Variants in SEL1L3 observed in about 807,000 individuals in gnomAD.
SEL1L3 encodes protein sel-1 homolog 3.
SEL1L3 carries 76 observed loss-of-function variants against 142.8 expected under a neutral mutation model. The ratio of observed to expected loss-of-function variants is 0.53; its 90% CI spans 0.44 to 0.64. The LOEUF (loss-of-function observed/expected upper bound fraction) is 0.64. Ranked by LOEUF, SEL1L3 falls within the 30% of genes least tolerant of loss-of-function variation. SEL1L3 has a pLI of 0.00. For synonymous variants in SEL1L3, 504 were observed against 519.6 expected, an observed-to-expected ratio of 0.97 and a Z score of 0.41; for missense variants, 1,262 against 1,381.7, an observed-to-expected ratio of 0.91 and a Z score of 1.37.
intron 2 of SEL1L3, among the ~76,000 whole-genome samples, chr4:25,846,912 C>CAAAAA (rs71184268): frequency 5.6e-5 from 4 of 71,812 alleles, no homozygotes; most frequent in African/African-American, 1.7e-4. Flanking sequence ...GACTCCATCT[C>CAAAAA]AAAAAAAAAA....
chr4:25,843,903 T>C (rs1300520000), intron 2 of SEL1L3, among the ~76,000 whole-genome samples: 1 of 152,264 alleles, frequency 6.6e-6, no homozygotes, highest in Non-Finnish European at 1.5e-5. Context: ...TCGGGAGCCT[T>C]GGCAAAGCCA....
At chr4:25,820,431 T>C (rs1231672935) in intron 7 of SEL1L3, among the ~76,000 whole-genome samples, 1 of 152,228 alleles carries the variant, frequency 6.6e-6, no homozygotes, top group Non-Finnish European at 1.5e-5. Context: ...CGTTCCTGCC[T>C]CAGCACTCCC....
chr4:25,770,231 A>G (rs996672756), intron 17 of SEL1L3: 19 of 152,212 alleles, frequency 1.2e-4, no homozygotes, highest in African/African-American at 3.9e-4. Context: ...ATTCACAATG[A>G]TAAGCTTTAT....
At chr4:25,723,823 C>A in the SEL1L3 span, among the ~76,000 whole-genome samples, 1 of 152,088 alleles carries the variant, frequency 6.6e-6, no homozygotes, top group Non-Finnish European at 1.5e-5. Flanking sequence ...GGAACTGCAG[C>A]GGAGATTCAC....
the SEL1L3 span, among the ~76,000 whole-genome samples, chr4:25,724,630 G>C: frequency 6.7e-6 from 1 of 149,764 alleles, no homozygotes; most frequent in African/African-American, 2.5e-5. Context: ...TCAGCCACTC[G>C]GGAGGCTGAG....
the SEL1L3 span, chr4:25,719,542 T>C: frequency 6.7e-6 from 1 of 148,248 alleles, no homozygotes; most frequent in South Asian, 2.2e-4. Flanking sequence ...AGTCAGGCTG[T>C]TAAGATTAGA....
the SEL1L3 span, among the ~76,000 whole-genome samples, chr4:25,727,953 C>T: frequency 6.6e-5 from 10 of 152,122 alleles, no homozygotes; most frequent in Non-Finnish European, 1.2e-4. Context: ...CCTGGCTGAG[C>T]GGCTTGGCCA....
rs547656407 is a variant in SEL1L3 at position 25,761,421 on chromosome 4, G to A, written c.2956-2353C>T. Among the ~76,000 whole-genome samples, 607 of 152,184 alleles carry A rather than the reference G, an allele frequency of 4.0e-3. 2 individuals are homozygous for A. Among genetic ancestry groups the A allele is most frequent in the African/African-American group, 0.014 (584 of 41,520 alleles). On this transcript the variant is annotated intron_variant, in intron 20 of 23. Transcript: ENST00000399878. ...TCCGCCCACCTTGGCCTCCCAAAGT[G>A]CTGGCACTACAGGGTTGAGCCACCG...
Position 25,802,356 on chromosome 4 carries a change from T to C in SEL1L3, c.1883A>G (p.Glu628Gly). 1 of 1,613,850 alleles carries C rather than the reference T, an allele frequency of 6.2e-7. No individual in the cohort carries two copies. The highest frequency in any genetic ancestry group is 8.5e-7 in the Non-Finnish European group (1 of 1,179,838). The change falls in exon 11 of 24, where the codon GAA becomes GGA. Residue 628 changes from glutamate to glycine, a missense_variant. Transcript: ENST00000399878. ...QGIDNYPLDW[E>G]LSYAYYSNIA... ...GTTGCTGTAGTAGGCATACGACAGT[T>C]CCCAGTCCAGGGGGTAGTTGTCAAT...
intron 5 of SEL1L3, among the ~76,000 whole-genome samples, chr4:25,832,320 G>T (rs1715500157): frequency 6.6e-6 from 1 of 152,140 alleles, no homozygotes; most frequent in Non-Finnish European, 1.5e-5. Context: ...AAGCTGATGA[G>T]AAAACAAAGC....
intron 23 of SEL1L3, among the ~76,000 whole-genome samples, chr4:25,752,691 G>A (rs1717685744): frequency 6.6e-6 from 1 of 152,150 alleles, no homozygotes. Context: ...AGCAATCTGG[G>A]CTCTCTGCAG....
chr4:25,847,671 G>A lies in SEL1L3; in HGVS notation c.356C>T (p.Ser119Phe). 2 of 1,613,932 alleles carry A rather than the reference G, an allele frequency of 1.2e-6. No homozygotes were observed. Among genetic ancestry groups the A allele is most frequent in the South Asian group, 1.1e-5 (1 of 91,076 alleles). ...CACGGGAATGCTACTTCTGAACTCA[G>A]ATGAAACAACTGCTTCCAAATTGAC... is the stretch of plus-strand genomic sequence containing the variant. ...CVVNLEAVVS[S>F]EFRSSIPVYK... The change falls in exon 2 of 24, where the codon TCT (serine) becomes TTT (phenylalanine). Residue 119 changes from serine (S) to phenylalanine (F), a missense_variant. Coordinates refer to ENST00000399878, the MANE Select transcript of SEL1L3 (RefSeq NM_015187.5).
intron 11 of SEL1L3, among the ~76,000 whole-genome samples, chr4:25,799,259 G>A (rs9968364): frequency 6.6e-6 from 1 of 151,752 alleles, no homozygotes; most frequent in Non-Finnish European, 1.5e-5. Context: ...ATTTTTAGTA[G>A]AGATGGGGTC....
In SEL1L3 at chr4:25,761,348, G is replaced by C. The variant is rs147031866; in HGVS notation, c.2956-2280C>G. Among the ~76,000 whole-genome samples, 363 of 152,258 alleles carry C rather than the reference G, an allele frequency of 2.4e-3. 3 individuals are homozygous for C. The highest frequency in any genetic ancestry group is 8.1e-3 in the African/African-American group (337 of 41,536). On this transcript the variant is annotated intron_variant, in intron 20 of 23. Coordinates refer to ENST00000399878, the MANE Select transcript of SEL1L3 (RefSeq NM_015187.5). ...TTTTTGTATTTTCAGTAGAGACGAGGTTTCTCCATGTCAGCCAGGCTGGTC... is the reference window on the plus strand; with the variant it reads ...TTTTTGTATTTTCAGTAGAGACGAGCTTTCTCCATGTCAGCCAGGCTGGTC...
chr4:25,723,074 A>G, the SEL1L3 span, among the ~76,000 whole-genome samples: 5 of 152,168 alleles, frequency 3.3e-5, no homozygotes, highest in African/African-American at 1.2e-4. Context: ...TCAGCAGCAG[A>G]TGCCAGGTGC....
chr4:25,714,280 ATGT>A, the SEL1L3 span, among the ~76,000 whole-genome samples: 3 of 152,132 alleles, frequency 2.0e-5, no homozygotes, highest in African/African-American at 7.2e-5. Context: ...ATCATTTTCT[ATGT>A]GAAAATGATG....
At chr4:25,736,769 G>A in the SEL1L3 span, among the ~76,000 whole-genome samples, 1 of 151,982 alleles carries the variant, frequency 6.6e-6, no homozygotes, top group Non-Finnish European at 1.5e-5. Context: ...TTGTAGGTTT[G>A]TCTATTTCTT....
intron 17 of SEL1L3, 63 bp downstream of exon 17, chr4:25,776,214 T>C (rs1161278229): frequency 9.4e-7 from 1 of 1,063,658 alleles, no homozygotes; most frequent in Non-Finnish European, 1.4e-6. Flanking sequence ...TAAGACTCCA[T>C]TTCATAAGAC....
intron 16 of SEL1L3, chr4:25,777,984 A>G (rs1470029559): frequency 2.6e-6 from 1 of 381,842 alleles, no homozygotes; most frequent in Non-Finnish European, 5.2e-6. Context: ...TAACTCCTCA[A>G]GAATGTAAAA....
Sources: gnomAD v4.1 joint callset for allele counts (sites outside exome capture counted in the v4.1 genomes callset) on GRCh38, gnomAD v4.1.1 for gene constraint, MANE v1.5 for transcripts, NCBI Gene and HGNC (gene_info 2026-07-23, HGNC 2026-07-21) for gene names.